Variants in SELP observed in about 807,000 individuals in gnomAD.
The protein encoded by SELP is P-selectin.
Under a neutral mutation model 104.1 loss-of-function variants are expected in SELP, and 92 were observed. That is an observed-to-expected ratio of 0.88 (90% confidence interval 0.75 to 1.05). SELP has a LOEUF of 1.05. Ranked by LOEUF, SELP falls within the 50% of genes least tolerant of loss-of-function variation. The pLI is 0.00. For missense variants in SELP, 1,022 were observed against 1,017.3 expected (o/e 1.00, Z -0.06); for synonymous variants, 397 against 364.5 (o/e 1.09, Z -1.01).
chr1:169,622,134 C>T (rs1011241871), intron 1 of SELP, among the ~76,000 whole-genome samples: 1 of 152,134 alleles, frequency 6.6e-6, no homozygotes, highest in Admixed American at 6.5e-5. Flanking sequence ...AGAGCTTTGC[C>T]TTTGGATATA....
At chr1:169,601,323 G>T (rs1391237243) in intron 10 of SELP, among the ~76,000 whole-genome samples, 5 of 152,102 alleles carry the variant, frequency 3.3e-5, no homozygotes, top group African/African-American at 4.8e-5. Context: ...CCAGGGAAGC[G>T]ACCTCAAAGA....
At chr1:169,607,606 T>C (rs1336626899) in intron 8 of SELP, among the ~76,000 whole-genome samples, 1 of 152,116 alleles carries the variant, frequency 6.6e-6, no homozygotes, top group Non-Finnish European at 1.5e-5. Context: ...TGTATGATGT[T>C]AAATAAAAAA....
Position 169,595,910 on chromosome 1 carries a change from T to C in SELP, c.2101+15A>G. 1 of 1,612,030 alleles carries C rather than the reference T, an allele frequency of 6.2e-7. No individual in the cohort carries two copies. The highest frequency in any genetic ancestry group is 8.5e-7 in the Non-Finnish European group (1 of 1,179,042). ...GGAAGGCAGGTTCAGAACTGCCTGC[T>C]CCTTTTCACCTTACCTCTGCATGCT... On this transcript the variant is annotated intron_variant, in intron 12 of 16. Transcript: ENST00000263686.
chr1:169,591,538 C>G, intron 14 of SELP, 82 bp from the exon 15 acceptor site: 1 of 973,408 alleles, frequency 1.0e-6, no homozygotes, highest in Non-Finnish European at 1.5e-6. Context: ...ATAGAAATTA[C>G]TGGGGAAAAC....
intron 1 of SELP, 127 bp from the exon 2 acceptor site, chr1:169,619,346 G>A (rs899391020): frequency 2.8e-5 from 19 of 679,380 alleles, no homozygotes; most frequent in Non-Finnish European, 4.5e-5. Context: ...AGTGGTTCAA[G>A]CCCTCTGCTT....
At position 169,613,649 on chromosome 1, in the gene SELP, C is replaced by G. The variant is rs776190919; in HGVS notation, c.526G>C (p.Glu176Gln). 11 of 1,613,798 alleles carry G rather than the reference C, an allele frequency of 6.8e-6. No individual in the cohort carries two copies. The Admixed American group carries it at 8.3e-5, about 12-fold the overall frequency. Residue 176 changes from glutamate (E) to glutamine (Q), a missense_variant, in exon 4 of 17, where the codon GAG (glutamate) becomes CAG (glutamine). Transcript: ENST00000263686. ...GAGCAGGTGTAGTTCCCGATGGTCT[C>G]GAGGCACTCTCCTTGTTTGCTGCAG... ...MSCSKQGECL[E>Q]TIGNYTCSCY...
chr1:169,592,598 T>C (rs1331693435), intron 14 of SELP, among the ~76,000 whole-genome samples: 1 of 152,174 alleles, frequency 6.6e-6, no homozygotes, highest in Non-Finnish European at 1.5e-5. Flanking sequence ...GAAAGGATGT[T>C]TTAAACCTTA....
At chr1:169,610,753 T>G (rs960985368) in intron 7 of SELP, among the ~76,000 whole-genome samples, 1 of 152,092 alleles carries the variant, frequency 6.6e-6, no homozygotes, top group Non-Finnish European at 1.5e-5. Context: ...CACTTCAGCC[T>G]GGGCGACAGA....
At chr1:169,620,790 T>TG (rs1449158878) in intron 1 of SELP, among the ~76,000 whole-genome samples, 2 of 141,466 alleles carry the variant, frequency 1.4e-5, no homozygotes, top group East Asian at 2.0e-4. Context: ...TGGGACGGTG[T>TG]GGGGTTGTGT....
rs1457733837 is a variant in SELP, at chr1:169,617,386, T to C, written c.123A>G (p.Ala41=). ...SELTNQKEVA[A]WTYHYSTKAY... ...CTTTTGTGCTGTAATGATAAGTCCA[T>C]GCTGCCACTTCTTTCTGGTTTGTTA... The change falls in exon 3 of 17, where the codon GCA becomes GCG. Residue 41 remains alanine, a synonymous_variant. Coordinates refer to ENST00000263686, the MANE Select transcript of SELP (RefSeq NM_003005.4). 1.1e-5 allele frequency: 17 copies of C among 1,614,094 alleles called. No individual in the cohort carries two copies. Among genetic ancestry groups the C allele is most frequent in the Non-Finnish European group, 1.4e-5 (16 of 1,179,962 alleles).
In SELP at chr1:169,613,051, C is replaced by A; in HGVS notation, c.653G>T (p.Gly218Val). ...HVLMNCSHPL[G>V]NFSFNSQCSF... ...GCACTGCGAGTTAAAAGAGAAGTTT[C>A]CCAGAGGGTGGCTGCAGTTCATGAG... The change falls in exon 5 of 17, where the codon GGA (glycine) becomes GTA (valine). Residue 218 changes from glycine to valine, a missense_variant. Gly to Val is a moderately radical substitution (Grantham distance 109). Transcript: ENST00000263686. 6.2e-7 allele frequency: 1 copy of A among 1,613,784 alleles called. No individual in the cohort carries two copies. The highest frequency in any genetic ancestry group is 1.3e-5 in the African/African-American group (1 of 75,040).
chr1:169,617,550 T>A, intron 2 of SELP, 136 bp from the exon 3 acceptor site: 2 of 879,080 alleles, frequency 2.3e-6, no homozygotes, highest in Non-Finnish European at 3.5e-6. Context: ...AGTTTATGTC[T>A]AATGTAGTTG....
chr1:169,628,768 C>G (rs1238193300), intron 1 of SELP, among the ~76,000 whole-genome samples: 4 of 152,200 alleles, frequency 2.6e-5, no homozygotes, highest in Non-Finnish European at 1.5e-5. Context: ...AGAGGAATAA[C>G]TGCTCATTTA....
At chr1:169,610,687 GA>G (rs375089716) in intron 7 of SELP, among the ~76,000 whole-genome samples, 30 of 152,214 alleles carry the variant, frequency 2.0e-4, no homozygotes, top group African/African-American at 7.2e-4. Flanking sequence ...GCTGAGGCAG[GA>G]GAATCGTTTG....
At chr1:169,599,316 T>C (rs1001152063) in intron 10 of SELP, among the ~76,000 whole-genome samples, 1 of 151,406 alleles carries the variant, frequency 6.6e-6, no homozygotes, top group Non-Finnish European at 1.5e-5. Flanking sequence ...GTGCATAACT[T>C]TGAGAAGTGG....
In SELP at chr1:169,609,708, T is replaced by G. The variant is rs1266442598; in HGVS notation, c.1148-19A>C. On this transcript the variant is annotated intron_variant, in intron 7 of 16. Transcript: ENST00000263686. The stretch of plus-strand genomic sequence containing the variant: ...GAAATAGCTAAGTGGAAAAGGTATC[T>G]TCTAAAGCCAGGTAATGGAAGGGCC... 2 of 1,591,708 alleles carry G rather than the reference T, an allele frequency of 1.3e-6. No individual in the cohort carries two copies. The highest frequency in any genetic ancestry group is 1.7e-6 in the Non-Finnish European group (2 of 1,168,550).
Position 169,616,962 on chromosome 1 carries a change from G to C in SELP, c.481+66C>G. On this transcript the variant is annotated intron_variant, in intron 3 of 16. Coordinates refer to ENST00000263686, the MANE Select transcript of SELP (RefSeq NM_003005.4). ...TTTGTGTTGACTCGGTGGTTATGTT[G>C]GCCAACCAGAGAAGGCAGGGTTTTT... 9 of 1,330,664 alleles carry C rather than the reference G, an allele frequency of 6.8e-6. No homozygotes were observed. In the South Asian group the frequency reaches 6.9e-5, roughly 10 times the overall value. The allele number at this position is 1,330,664 out of a possible 1,614,324, so 82.4% of individuals were successfully genotyped here. A position where few individuals can be genotyped will look rare whatever the true frequency, so the allele number is the denominator to read the frequency against.
At position 169,591,407 on chromosome 1, in the gene SELP, TA is replaced by T; in HGVS notation, c.2438+18del. The T allele has an allele frequency of 1.3e-6, 2 of 1,558,468 alleles. No homozygotes were observed. The highest frequency in any genetic ancestry group is 2.3e-5 in the East Asian group (1 of 43,768). Reference sequence around the variant, plus strand: ...TAAGGTAGCAAAATTTACTCAATCATAAAACATTTCTACCTTACCTGTGAGG... The same window carrying T: ...TAAGGTAGCAAAATTTACTCAATCATAAACATTTCTACCTTACCTGTGAGG... On this transcript the variant is annotated intron_variant, in intron 15 of 16. Transcript: ENST00000263686.
At chr1:169,602,471 A>T (rs1661957153) in intron 10 of SELP, among the ~76,000 whole-genome samples, 1 of 152,252 alleles carries the variant, frequency 6.6e-6, no homozygotes, top group East Asian at 1.9e-4. Context: ...ACTTACTAAC[A>T]GTGTGACCCT....
Sources: allele counts gnomAD v4.1 joint callset (sites outside exome capture counted in the v4.1 genomes callset), GRCh38; gene constraint gnomAD v4.1.1; transcripts MANE v1.5; gene names NCBI Gene and HGNC (gene_info 2026-07-23, HGNC 2026-07-21).